ROBO1: variants seen among roughly 807,000 people sequenced by gnomAD.
ROBO1 encodes the protein roundabout guidance receptor 1.
Under a neutral mutation model 195.9 loss-of-function variants are expected in ROBO1, and 149 were observed. The ratio of observed to expected loss-of-function variants is 0.76; its 90% CI spans 0.67 to 0.87. ROBO1 has a LOEUF of 0.87. Among genes scored for constraint, ROBO1 ranks in the 40% least tolerant of loss-of-function variants. The pLI is 0.00. For synonymous variants in ROBO1, 816 were observed against 733.2 expected, an observed-to-expected ratio of 1.11 and a Z score of -1.82; for missense variants, 1,933 against 2,068.3, an observed-to-expected ratio of 0.93 and a Z score of 1.27.
Position 78,920,624 on chromosome 3 carries a change from G to GTTTT in ROBO1, c.499+17973_499+17976dup, listed in dbSNP as rs34364869. 2.0e-3 allele frequency among the ~76,000 whole-genome samples: 120 copies of GTTTT among 60,952 alleles called. 11 individuals carry two copies. Among genetic ancestry groups the GTTTT allele is most frequent in the African/African-American group, 6.7e-3 (90 of 13,480 alleles). 40.0% of individuals were successfully genotyped at this position (60,952 alleles called of 152,430 possible). ...CCAGCCTTTCTTTTTCTTTCTTTCA[G>GTTTT]TTTTTTTTTTTTTTTTTTTTTTTTT... On this transcript the variant is annotated intron_variant, in intron 4 of 30. Transcript: ENST00000464233.
chr3:78,630,577 A>G (rs1386598746), intron 25 of ROBO1, among the ~76,000 whole-genome samples: 1 of 152,198 alleles, frequency 6.6e-6, no homozygotes, highest in Non-Finnish European at 1.5e-5. Context: ...TTAAAGAAGC[A>G]GCTGTTTTGT....
chr3:78,636,935 T>TTATATATATA (rs55894934), intron 22 of ROBO1, among the ~76,000 whole-genome samples: 7,233 of 95,896 alleles, frequency 0.075, 496 homozygotes, highest in Non-Finnish European at 0.097. Flanking sequence ...TACATTCATT[T>TTATATATATA]TATATATATA....
intron 2 of ROBO1, among the ~76,000 whole-genome samples, chr3:79,537,949 C>T (rs1485962644): frequency 6.6e-6 from 1 of 151,960 alleles, no homozygotes; most frequent in Non-Finnish European, 1.5e-5. Flanking sequence ...AGCTGATGAA[C>T]TGAAAAAAAT....
intron 2 of ROBO1, among the ~76,000 whole-genome samples, chr3:79,183,569 ATTCTCCAGGTTTGC>A (rs2081384159): frequency 6.6e-6 from 1 of 152,270 alleles, no homozygotes; most frequent in Non-Finnish European, 1.5e-5. Flanking sequence ...GCTAAGAAAC[ATTCTCCAGGTTTGC>A]TGGGAAGCAG....
At chr3:78,944,640 C>A (rs1252927487) in intron 3 of ROBO1, among the ~76,000 whole-genome samples, 1 of 152,246 alleles carries the variant, frequency 6.6e-6, no homozygotes, top group Non-Finnish European at 1.5e-5. Flanking sequence ...GGGTTCATCT[C>A]ACTGGGGAGT....
At chr3:78,959,962 A>C (rs1576470673) in intron 3 of ROBO1, among the ~76,000 whole-genome samples, 2 of 152,140 alleles carry the variant, frequency 1.3e-5, no homozygotes, top group Admixed American at 1.3e-4. Flanking sequence ...GGGTGGCATG[A>C]TTAAATTGTA....
chr3:78,849,031 T>TGAAAGGAAAGA (rs2033859721), intron 4 of ROBO1, among the ~76,000 whole-genome samples: 1 of 151,962 alleles, frequency 6.6e-6, no homozygotes, highest in South Asian at 2.1e-4. Context: ...ATGGGGGGCA[T>TGAAAGGAAAGA]GAAAGGAAAG....
chr3:78,892,585 G>A (rs888001173), intron 4 of ROBO1, among the ~76,000 whole-genome samples: 1 of 152,094 alleles, frequency 6.6e-6, no homozygotes, highest in Non-Finnish European at 1.5e-5. Context: ...CTCAAGAAGT[G>A]TTTATCATCA....
chr3:79,356,518 G>A (rs952117448), intron 2 of ROBO1, among the ~76,000 whole-genome samples: 18 of 152,092 alleles, frequency 1.2e-4, no homozygotes, highest in African/African-American at 3.6e-4. Flanking sequence ...TATGTAAGAT[G>A]CTTTGATTAC....
At chr3:79,008,518 T>C (rs1306710387) in intron 3 of ROBO1, among the ~76,000 whole-genome samples, 2 of 151,932 alleles carry the variant, frequency 1.3e-5, no homozygotes, top group Non-Finnish European at 2.9e-5. Context: ...CGTGTGTGTG[T>C]ATACATATAT....
chr3:78,746,751 T>C lies in ROBO1; in HGVS notation c.649A>G (p.Arg217Gly). ...DGSPLDDKDE[R>G]ITIRGGKLMI... ...TTGAATTAAATACTCACAGTTATTC[T>C]TTCATCTTTATCATCCAGTGGAGAG... Residue 217 changes from arginine to glycine, a missense_variant, in exon 5 of 31, where the codon AGA becomes GGA. Arg to Gly is a moderately radical substitution (Grantham distance 125). Transcript: ENST00000464233. The C allele has an allele frequency of 6.6e-7, 1 of 1,526,124 alleles. No homozygotes were observed. The highest frequency in any genetic ancestry group is 1.8e-4 in the Middle Eastern group (1 of 5,664). The allele number at this position is 1,526,124 out of a possible 1,614,324, so 94.5% of individuals were successfully genotyped here. A position where few individuals can be genotyped will look rare whatever the true frequency, so the allele number is the denominator to read the frequency against.
At chr3:78,784,345 A>T (rs937122041) in intron 4 of ROBO1, among the ~76,000 whole-genome samples, 7 of 152,278 alleles carry the variant, frequency 4.6e-5, no homozygotes, top group African/African-American at 1.7e-4. Flanking sequence ...CTTAATAGAA[A>T]GTTAGTCATG....
chr3:79,112,950 T>C (rs1029355280), intron 3 of ROBO1, among the ~76,000 whole-genome samples: 5 of 151,646 alleles, frequency 3.3e-5, no homozygotes, highest in African/African-American at 1.2e-4. Flanking sequence ...AATTGAGATG[T>C]GGTTAAAAAA....
chr3:79,365,700 A>G (rs2035946668), intron 2 of ROBO1, among the ~76,000 whole-genome samples: 1 of 152,006 alleles, frequency 6.6e-6, no homozygotes, highest in South Asian at 2.1e-4. Context: ...GATCGAGACC[A>G]TCCTGGCTAA....
At chr3:78,740,474 CTTT>C (rs2082502621) in intron 5 of ROBO1, among the ~76,000 whole-genome samples, 1 of 145,074 alleles carries the variant, frequency 6.9e-6, no homozygotes. Flanking sequence ...TTCTTTCTTT[CTTT>C]CTTTTTTTTT....
chr3:79,656,556 T>G lies in ROBO1; in HGVS notation c.-50-66595A>C, dbSNP rs960236161. ...ATCTATCTATCTATTTTTACTGTCA[T>G]AACCATAGAAGAAAGCTTTATTGCC... is the stretch of plus-strand genomic sequence containing the variant. On this transcript the variant is annotated intron_variant, in intron 1 of 30. Transcript: ENST00000464233. Among the ~76,000 whole-genome samples, 4 of 152,166 alleles carry G rather than the reference T, an allele frequency of 2.6e-5. No homozygotes were observed. The South Asian group carries it at 6.2e-4, about 24-fold the overall frequency.
At chr3:78,675,210 C>T (rs1708331553) in intron 10 of ROBO1, among the ~76,000 whole-genome samples, 1 of 151,286 alleles carries the variant, frequency 6.6e-6, no homozygotes, top group Non-Finnish European at 1.5e-5. Flanking sequence ...ATAGGAACAG[C>T]TCCAGTCTAC....
At chr3:79,401,581 T>A (rs1453633938) in intron 2 of ROBO1, among the ~76,000 whole-genome samples, 1 of 151,842 alleles carries the variant, frequency 6.6e-6, no homozygotes, top group East Asian at 1.9e-4. Flanking sequence ...AATTAAGTTT[T>A]TGAAAGAGTT....
intron 4 of ROBO1, among the ~76,000 whole-genome samples, chr3:78,795,624 CAT>C (rs1326900729): frequency 1.3e-5 from 2 of 152,116 alleles, no homozygotes; most frequent in Non-Finnish European, 2.9e-5. Context: ...TCTTTTAAGA[CAT>C]ATAAAAGGGA....
Sources: gnomAD v4.1 joint callset for allele counts (sites outside exome capture counted in the v4.1 genomes callset) on GRCh38, gnomAD v4.1.1 for gene constraint, MANE v1.5 for transcripts, NCBI Gene and HGNC (gene_info 2026-07-23, HGNC 2026-07-21) for gene names.